BBS9: variants seen among roughly 807,000 people sequenced by gnomAD.
BBS9 encodes Bardet-Biedl syndrome 9, also known as protein PTHB1.
BBS9 carries 89 observed loss-of-function variants against 117.7 expected under a neutral mutation model. The observed-to-expected ratio is 0.76, with a 90% CI of 0.64 to 0.90. BBS9 has a LOEUF of 0.90. Ranked by LOEUF, BBS9 falls within the 40% of genes least tolerant of loss-of-function variation. BBS9 has a pLI of 0.00. For missense variants in BBS9, 982 were observed against 1,042.2 expected (o/e 0.94, Z 0.80); for synonymous variants, 379 against 370.9 (o/e 1.02, Z -0.25).
intron 19 of BBS9, among the ~76,000 whole-genome samples, chr7:33,410,473 G>A (rs954624381): frequency 2.6e-5 from 4 of 152,116 alleles, no homozygotes. Flanking sequence ...AGCAGGCTAA[G>A]TAGTGACTCA....
intron 19 of BBS9, among the ~76,000 whole-genome samples, chr7:33,483,205 T>C (rs938103517): frequency 6.6e-6 from 1 of 152,196 alleles, no homozygotes; most frequent in African/African-American, 2.4e-5. Flanking sequence ...CCTTGTACTC[T>C]GTAAAGAAAA....
chr7:33,183,766 G>A (rs1036721583), intron 5 of BBS9, among the ~76,000 whole-genome samples: 4 of 152,132 alleles, frequency 2.6e-5, no homozygotes, highest in African/African-American at 4.8e-5. Context: ...TACTTAAAAG[G>A]TCAAGCTCCC....
chr7:33,503,614 A>G (rs1418353672), intron 19 of BBS9, among the ~76,000 whole-genome samples: 1 of 152,106 alleles, frequency 6.6e-6, no homozygotes. Flanking sequence ...CTTCCCGCAA[A>G]TTCTTGCACA....
At chr7:33,395,711 C>T (rs1315907877) in intron 19 of BBS9, among the ~76,000 whole-genome samples, 1 of 152,118 alleles carries the variant, frequency 6.6e-6, no homozygotes, top group East Asian at 1.9e-4. Flanking sequence ...AAACTTCCTT[C>T]CACTCTGTTT....
chr7:33,164,776 C>G (rs1240037152), intron 4 of BBS9, among the ~76,000 whole-genome samples: 1 of 151,742 alleles, frequency 6.6e-6, no homozygotes, highest in Non-Finnish European at 1.5e-5. Flanking sequence ...GGTCTGGACT[C>G]TATCCAATTT....
chr7:33,241,698 T>G (rs1794550493), intron 5 of BBS9, among the ~76,000 whole-genome samples: 1 of 152,108 alleles, frequency 6.6e-6, no homozygotes, highest in South Asian at 2.1e-4. Flanking sequence ...AGTTACAAAT[T>G]CTTATTAAAA....
At chr7:33,606,849 C>G (rs116354207), downstream of BBS9, among the ~76,000 whole-genome samples, 3,734 of 152,108 alleles carry the variant, frequency 0.025, 170 homozygotes, top group African/African-American at 0.086. Context: ...TTATTATATT[C>G]TCCTCGTTTT....
intron 4 of BBS9, among the ~76,000 whole-genome samples, chr7:33,174,236 C>T (rs1459996521): frequency 6.6e-6 from 1 of 152,198 alleles, no homozygotes; most frequent in South Asian, 2.1e-4. Context: ...TCCCCAGTTG[C>T]TGTGAGAGAG....
intron 20 of BBS9, chr7:33,533,545 G>A (rs1850906993): frequency 4.9e-6 from 1 of 205,828 alleles, no homozygotes; most frequent in African/African-American, 2.3e-5. Context: ...CTTTCCTTTA[G>A]CCGAAGATAA....
At chr7:33,607,140 G>A (rs1487814913), downstream of BBS9, among the ~76,000 whole-genome samples, 2 of 152,068 alleles carry the variant, frequency 1.3e-5, no homozygotes, top group Non-Finnish European at 2.9e-5. Context: ...GGACATAACT[G>A]TTCTTGGATT....
At chr7:33,156,120 G>A (rs4720108) in intron 4 of BBS9, among the ~76,000 whole-genome samples, 32,835 of 151,844 alleles carry the variant, frequency 0.22, 3,832 homozygotes, top group East Asian at 0.44. Context: ...TCTCTTTACC[G>A]TTCCAATTTC....
At chr7:33,413,612 A>C (rs1352378061) in intron 19 of BBS9, among the ~76,000 whole-genome samples, 3 of 152,084 alleles carry the variant, frequency 2.0e-5, no homozygotes, top group African/African-American at 7.2e-5. Context: ...CTTGTCTTAC[A>C]AGACCACCTA....
intron 3 of BBS9, among the ~76,000 whole-genome samples, chr7:33,154,805 G>C (rs1035620288): frequency 1.3e-5 from 2 of 152,162 alleles, no homozygotes; most frequent in Non-Finnish European, 2.9e-5. Flanking sequence ...TAAAAGAGCT[G>C]TCAACATTTA....
At chr7:33,186,440 G>A (rs1426562823) in intron 5 of BBS9, among the ~76,000 whole-genome samples, 1 of 152,158 alleles carries the variant, frequency 6.6e-6, no homozygotes, top group Non-Finnish European at 1.5e-5. Context: ...CCTTGATTGG[G>A]CTGTGAGTGA....
chr7:33,251,282 G>A (rs1021200324), intron 5 of BBS9, among the ~76,000 whole-genome samples: 1 of 152,188 alleles, frequency 6.6e-6, no homozygotes. Flanking sequence ...ACTCACCAGG[G>A]AAGAGTAACT....
At chr7:33,502,154 C>T (rs971939024) in intron 19 of BBS9, among the ~76,000 whole-genome samples, 11 of 152,120 alleles carry the variant, frequency 7.2e-5, no homozygotes, top group Non-Finnish European at 7.4e-5. Context: ...GTGATCTGCC[C>T]GCCTCGGCCT....
chr7:33,422,690 G>T (rs1365996167), intron 19 of BBS9, among the ~76,000 whole-genome samples: 1 of 152,142 alleles, frequency 6.6e-6, no homozygotes, highest in Non-Finnish European at 1.5e-5. Context: ...ACAATGAGAA[G>T]ACAGCTAATT....
chr7:33,214,533 A>T (rs561927912), intron 5 of BBS9, among the ~76,000 whole-genome samples: 1 of 152,300 alleles, frequency 6.6e-6, no homozygotes, highest in East Asian at 1.9e-4. Context: ...GTCCTTTTTC[A>T]TGGGCAGATA....
At chr7:33,622,250 A>G (rs1390751695) in intron 21 of BBS9, among the ~76,000 whole-genome samples, 1 of 152,108 alleles carries the variant, frequency 6.6e-6, no homozygotes, top group Admixed American at 6.6e-5. Context: ...AAAATACTGC[A>G]TGACCTCACT....
Sources: gnomAD v4.1 joint callset for allele counts (sites outside exome capture counted in the v4.1 genomes callset) on GRCh38, gnomAD v4.1.1 for gene constraint, MANE v1.5 for transcripts, NCBI Gene and HGNC (gene_info 2026-07-23, HGNC 2026-07-21) for gene names.